PTGER3: variants seen among roughly 807,000 people sequenced by gnomAD.
PTGER3 encodes prostaglandin E receptor 3.
Under a neutral mutation model 34.7 loss-of-function variants are expected in PTGER3, and 22 were observed. The observed-to-expected ratio is 0.63, with a 90% CI of 0.45 to 0.91. The LOEUF is 0.91. Among genes scored for constraint, PTGER3 ranks in the 40% least tolerant of loss-of-function variants. PTGER3 has a pLI of 0.00. For missense variants in PTGER3, 468 were observed against 519.4 expected (o/e 0.90, Z 0.96); for synonymous variants, 241 against 230.1 (o/e 1.05, Z -0.43).
At chr1:70,947,306 C>G (rs964923217) in intron 4 of PTGER3, 1 of 152,034 alleles carries the variant, frequency 6.6e-6, no homozygotes, top group African/African-American at 2.4e-5. Flanking sequence ...ATCATGGGGG[C>G]CGGTCTTTCC....
chr1:70,935,593 C>G (rs1262340222), intron 4 of PTGER3, among the ~76,000 whole-genome samples: 1 of 150,676 alleles, frequency 6.6e-6, no homozygotes, highest in African/African-American at 2.5e-5. Flanking sequence ...TTTTACTTAA[C>G]AAATATTTTA....
intron 4 of PTGER3, among the ~76,000 whole-genome samples, chr1:70,890,802 C>T (rs1457000682): frequency 6.6e-6 from 1 of 152,162 alleles, no homozygotes; most frequent in Non-Finnish European, 1.5e-5. Context: ...AGTCCAAACT[C>T]CTAAGGCTGG....
chr1:70,982,347 C>T (rs1448621183), intron 2 of PTGER3, among the ~76,000 whole-genome samples: 1 of 152,074 alleles, frequency 6.6e-6, no homozygotes, highest in Admixed American at 6.5e-5. Context: ...CAGTATTCCA[C>T]CCCCCAGGCT....
rs1646789191 is a variant in PTGER3 at position 70,899,409 on chromosome 1, A to AAGCATGAATGAAAATTGATC, written c.*24-46570_*24-46551dup. Among the ~76,000 whole-genome samples, 6 of 152,310 alleles carry AAGCATGAATGAAAATTGATC rather than the reference A, an allele frequency of 3.9e-5. 1 individual carries two copies. In the South Asian group the frequency reaches 1.2e-3, roughly 32 times the overall value. ...GAAATGGCACCCAGACTGAGTCTCA[A>AAGCATGAATGAAAATTGATC]AGCATGAATGAAAATTGATCAGCCT... On this transcript the variant is annotated intron_variant, in intron 4 of 4. Transcript: ENST00000370931.
chr1:70,958,274 A>G (rs1421987524), intron 2 of PTGER3, among the ~76,000 whole-genome samples: 2 of 152,184 alleles, frequency 1.3e-5, no homozygotes, highest in Non-Finnish European at 2.9e-5. Flanking sequence ...GAAACTTTAT[A>G]CTGTTTTCCA....
intron 4 of PTGER3, among the ~76,000 whole-genome samples, chr1:70,877,208 T>C (rs550520697): frequency 6.6e-6 from 1 of 152,270 alleles, no homozygotes; most frequent in East Asian, 1.9e-4. Flanking sequence ...TTTATTCTTT[T>C]TGTGGTGTTG....
intron 4 of PTGER3, among the ~76,000 whole-genome samples, chr1:70,925,283 G>A (rs1484580448): frequency 6.6e-6 from 1 of 152,180 alleles, no homozygotes; most frequent in Non-Finnish European, 1.5e-5. Flanking sequence ...GGAATTAAAG[G>A]CATGAGCCAC....
At chr1:70,916,729 G>A (rs1185304168) in intron 4 of PTGER3, among the ~76,000 whole-genome samples, 1 of 151,892 alleles carries the variant, frequency 6.6e-6, no homozygotes, top group Non-Finnish European at 1.5e-5. Context: ...AACTGGGCGT[G>A]GGGGAGGAGG....
Position 70,872,016 on chromosome 1 carries a change from A to G in PTGER3, c.*24-19157T>C, listed in dbSNP as rs115131014. ...TAACGTCAGTCACTCCAAGAATTATAAATAGCTTTGGCCTCAAACACGATT... is the reference window on the plus strand; with the variant it reads ...TAACGTCAGTCACTCCAAGAATTATGAATAGCTTTGGCCTCAAACACGATT... On this transcript the variant is annotated intron_variant, in intron 4 of 4. Transcript: ENST00000370931. Among the ~76,000 whole-genome samples, 348 of 152,300 alleles carry G rather than the reference A, an allele frequency of 2.3e-3. 3 individuals carry two copies. Among genetic ancestry groups the G allele is most frequent in the African/African-American group, 8.0e-3 (333 of 41,564 alleles).
chr1:70,886,886 G>C (rs1646509708), intron 4 of PTGER3, among the ~76,000 whole-genome samples: 1 of 152,160 alleles, frequency 6.6e-6, no homozygotes, highest in African/African-American at 2.4e-5. Context: ...ATCAAGGTTT[G>C]TTTGACCCCA....
chr1:70,929,240 G>C (rs1310561497), intron 4 of PTGER3, among the ~76,000 whole-genome samples: 1 of 151,966 alleles, frequency 6.6e-6, no homozygotes, highest in Non-Finnish European at 1.5e-5. Flanking sequence ...CCTTCAAAAG[G>C]GTTTTCCCCA....
intron 1 of PTGER3, among the ~76,000 whole-genome samples, chr1:71,026,306 T>C (rs1477308691): frequency 7.2e-5 from 11 of 152,178 alleles, no homozygotes; most frequent in Non-Finnish European, 5.9e-5. Context: ...TTGTTATTAT[T>C]TGAATGTTAT....
intron 2 of PTGER3, among the ~76,000 whole-genome samples, chr1:70,983,199 T>C (rs954344969): frequency 1.3e-5 from 2 of 151,484 alleles, no homozygotes; most frequent in African/African-American, 4.9e-5. Flanking sequence ...CAGAACCTAA[T>C]GACTCCCTGG....
intron 2 of PTGER3, chr1:71,006,656 A>G: frequency 1.2e-5 from 12 of 981,150 alleles, no homozygotes; most frequent in Non-Finnish European, 1.3e-5. Context: ...TATTTATATT[A>G]AATCAACAAT....
At chr1:70,914,904 T>A (rs185892337) in intron 4 of PTGER3, among the ~76,000 whole-genome samples, 1 of 151,802 alleles carries the variant, frequency 6.6e-6, no homozygotes, top group Non-Finnish European at 1.5e-5. Flanking sequence ...AGGAGACCTG[T>A]GTTTAAGGCC....
At chr1:70,890,522 C>T (rs1646593957) in intron 4 of PTGER3, among the ~76,000 whole-genome samples, 1 of 152,156 alleles carries the variant, frequency 6.6e-6, no homozygotes, top group African/African-American at 2.4e-5. Flanking sequence ...AAGTATCACC[C>T]CTTCCAAATT....
intron 4 of PTGER3, among the ~76,000 whole-genome samples, chr1:70,861,007 T>G (rs1645915582): frequency 1.3e-5 from 2 of 152,172 alleles, no homozygotes; most frequent in Admixed American, 1.3e-4. Context: ...TAGAGTGGTA[T>G]GGCCACTAGG....
intron 2 of PTGER3, among the ~76,000 whole-genome samples, chr1:70,963,624 T>A (rs1051819792): frequency 2.6e-5 from 4 of 152,192 alleles, no homozygotes; most frequent in Non-Finnish European, 5.9e-5. Flanking sequence ...TAGCCATGGC[T>A]GGAGCAGCTG....
At chr1:71,020,026 T>C (rs1458577914) in intron 1 of PTGER3, among the ~76,000 whole-genome samples, 1 of 152,214 alleles carries the variant, frequency 6.6e-6, no homozygotes, top group Non-Finnish European at 1.5e-5. Context: ...TTGATAAGTG[T>C]ATTTCATCAT....
Sources: gnomAD v4.1 joint callset for allele counts (sites outside exome capture counted in the v4.1 genomes callset) on GRCh38, gnomAD v4.1.1 for gene constraint, MANE v1.5 for transcripts, NCBI Gene and HGNC (gene_info 2026-07-23, HGNC 2026-07-21) for gene names.